The following PI15 variants were observed in gnomAD, a reference collection of about 807,000 sequenced individuals.
The protein encoded by PI15 is peptidase inhibitor 15.
In PI15, 18 loss-of-function variants were observed where a neutral mutation model predicts 31.0. The ratio of observed to expected loss-of-function variants is 0.58; its 90% CI spans 0.40 to 0.86. The LOEUF (loss-of-function observed/expected upper bound fraction) is 0.86. Ranked by LOEUF, PI15 falls within the 40% of genes least tolerant of loss-of-function variation. The probability of loss-of-function intolerance (pLI) is 0.00; values close to 1 mark genes in which losing one functional copy is unlikely to be tolerated. For synonymous variants in PI15, 118 were observed against 119.1 expected (o/e 0.99, Z 0.06); for missense variants, 282 against 328.1 (o/e 0.86, Z 1.09).
At chr8:74,840,492 C>T (rs753533695) in intron 2 of PI15, among the ~76,000 whole-genome samples, 12 of 152,140 alleles carry the variant, frequency 7.9e-5, no homozygotes, top group Non-Finnish European at 2.9e-5. Context: ...ATCACTTACC[C>T]ATCTTTCTCT....
intron 1 of PI15, 52 bp downstream of exon 1, chr8:74,824,727 G>A (rs1487037220): frequency 1.3e-5 from 2 of 155,960 alleles, no homozygotes; most frequent in African/African-American, 4.8e-5. Flanking sequence ...TTTTAAAGTA[G>A]CTCACATTTT....
intron 1 of PI15, 47 bp from the exon 2 acceptor site, chr8:74,825,163 G>A: frequency 2.8e-6 from 3 of 1,061,494 alleles, no homozygotes; most frequent in East Asian, 4.8e-5. Context: ...ATACCCTCTG[G>A]CCCTATTTTT....
chr8:74,844,631 T>G (rs1394080427), intron 3 of PI15, among the ~76,000 whole-genome samples: 1 of 152,174 alleles, frequency 6.6e-6, no homozygotes, highest in Non-Finnish European at 1.5e-5. Flanking sequence ...ATAATTTTTC[T>G]GCCACTGTGC....
intron 2 of PI15, among the ~76,000 whole-genome samples, chr8:74,842,019 T>C (rs905064779): frequency 1.3e-5 from 2 of 152,190 alleles, no homozygotes; most frequent in African/African-American, 2.4e-5. Flanking sequence ...TTATCTTTTT[T>C]TTTCTTATTT....
In PI15 at chr8:74,824,684, T is replaced by C. The variant is rs1402945608; in HGVS notation, c.-41+9T>C. On this transcript the variant is annotated intron_variant, in intron 1 of 5. Coordinates refer to ENST00000260113, the MANE Select transcript of PI15 (RefSeq NM_015886.5). Reference sequence around the variant, plus strand: ...TTTGGCATTGTGCAGAGGTAAGCTATTTAGCTCAACAAGTTTATATTGCAT... The same window carrying C: ...TTTGGCATTGTGCAGAGGTAAGCTACTTAGCTCAACAAGTTTATATTGCAT... The C allele has an allele frequency of 6.5e-6, 1 of 154,218 alleles. No individual in the cohort carries two copies. Among genetic ancestry groups the C allele is most frequent in the African/African-American group, 2.4e-5 (1 of 41,456 alleles). 9.6% of individuals were successfully genotyped at this position (154,218 alleles called of 1,614,324 possible).
In PI15 at chr8:74,824,610, C is replaced by T. The variant is rs1478429548; in HGVS notation, c.-106C>T. On this transcript the variant is annotated 5_prime_UTR_variant, in exon 1 of 6. Coordinates refer to ENST00000260113, the MANE Select transcript of PI15 (RefSeq NM_015886.5). ...CACACTCCTCTTACAAGAGTTCATGCTACCACATAGCAAAGAACCTTAAAT... is the reference window on the plus strand; with the variant it reads ...CACACTCCTCTTACAAGAGTTCATGTTACCACATAGCAAAGAACCTTAAAT... The T allele has an allele frequency of 2.6e-5, 4 of 152,338 alleles. No individual in the cohort carries two copies. Among genetic ancestry groups the T allele is most frequent in the Non-Finnish European group, 5.9e-5 (4 of 68,174 alleles). 9.4% of individuals were successfully genotyped at this position (152,338 alleles called of 1,614,324 possible).
intron 2 of PI15, among the ~76,000 whole-genome samples, chr8:74,831,404 G>A (rs1810779613): frequency 6.6e-6 from 1 of 152,180 alleles, no homozygotes; most frequent in Admixed American, 6.6e-5. Context: ...CTGCTCCACA[G>A]AGAATATGCA....
At chr8:74,827,607 T>G (rs1810718320) in intron 2 of PI15, among the ~76,000 whole-genome samples, 1 of 152,188 alleles carries the variant, frequency 6.6e-6, no homozygotes, top group Non-Finnish European at 1.5e-5. Context: ...TGAATGGCAC[T>G]GCTGGAATTA....
At position 74,852,232 on chromosome 8, in the gene PI15, T is replaced by TA. The variant is rs1268217701; in HGVS notation, c.*2981dup. 1 of 152,174 alleles carries TA rather than the reference T, an allele frequency of 6.6e-6. No individual in the cohort carries two copies. Among genetic ancestry groups the TA allele is most frequent in the Non-Finnish European group, 1.5e-5 (1 of 67,968 alleles). 9.4% of individuals were successfully genotyped at this position (152,174 alleles called of 1,614,324 possible). ...ACATCATCGATCCTCTCTGTGGTGTTAATTTTTTTATATGACCAGTAGAAA... is the reference window on the plus strand; with the variant it reads ...ACATCATCGATCCTCTCTGTGGTGTTAAATTTTTTTATATGACCAGTAGAAA... On this transcript the variant is annotated 3_prime_UTR_variant, in exon 6 of 6. Coordinates refer to ENST00000260113, the MANE Select transcript of PI15 (RefSeq NM_015886.5).
chr8:74,850,318 A>G lies in PI15; in HGVS notation c.*1065A>G, dbSNP rs572853302. ...CAGAAAGTAAGACCCTCAGAAAACCAATGAAGTCTAAGAGAAATAAAATTT... is the reference window on the plus strand; with the variant it reads ...CAGAAAGTAAGACCCTCAGAAAACCGATGAAGTCTAAGAGAAATAAAATTT... On this transcript the variant is annotated 3_prime_UTR_variant, in exon 6 of 6. Transcript: ENST00000260113. The G allele has an allele frequency of 6.6e-6, 1 of 152,334 alleles. No individual in the cohort carries two copies. Among genetic ancestry groups the G allele is most frequent in the Admixed American group, 6.5e-5 (1 of 15,290 alleles). 9.4% of individuals were successfully genotyped at this position (152,334 alleles called of 1,614,324 possible).
intron 2 of PI15, among the ~76,000 whole-genome samples, chr8:74,837,439 GC>G (rs1211220514): frequency 6.6e-6 from 1 of 152,022 alleles, no homozygotes; most frequent in East Asian, 1.9e-4. Flanking sequence ...TGTATATTCA[GC>G]TGTCAGTTTC....
chr8:74,836,387 T>G (rs1206903387), intron 2 of PI15, among the ~76,000 whole-genome samples: 1 of 152,194 alleles, frequency 6.6e-6, no homozygotes, highest in Middle Eastern at 3.2e-3. Context: ...AGGTTGTGAA[T>G]ATTTGGAGCT....
Position 74,850,959 on chromosome 8 carries a change from G to A in PI15, c.*1706G>A, listed in dbSNP as rs369834968. On this transcript the variant is annotated 3_prime_UTR_variant, in exon 6 of 6. Transcript: ENST00000260113. ...GCTACTTGTTTAAAATTCCATACAC[G>A]TTTGCAGTTTCTTGTACACATTTGG... 2.0e-5 allele frequency: 3 copies of A among 152,484 alleles called. No individual in the cohort carries two copies. Among genetic ancestry groups the A allele is most frequent in the Admixed American group, 6.6e-5 (1 of 15,250 alleles). The allele number at this position is 152,484 out of a possible 1,614,324, so 9.4% of individuals were successfully genotyped here.
At chr8:74,849,007 C>A in intron 5 of PI15, 111 bp from the exon 6 acceptor site, 1 of 862,578 alleles carries the variant, frequency 1.2e-6, no homozygotes, top group Non-Finnish European at 1.8e-6. Context: ...AAAGCAACTT[C>A]TCAAACGGAT....
rs914991167 is a variant in PI15 at position 74,851,390 on chromosome 8, A to G, written c.*2137A>G. ...CAGAAGATGGCTACACTAAGTTCCAATTTTGTTGCTGAATTGCTTCTGTGA... is the reference window on the plus strand; with the variant it reads ...CAGAAGATGGCTACACTAAGTTCCAGTTTTGTTGCTGAATTGCTTCTGTGA... On this transcript the variant is annotated 3_prime_UTR_variant, in exon 6 of 6. Transcript: ENST00000260113. 4 of 152,038 alleles carry G rather than the reference A, an allele frequency of 2.6e-5. No individual in the cohort carries two copies. Among genetic ancestry groups the G allele is most frequent in the African/African-American group, 9.7e-5 (4 of 41,440 alleles). The allele number at this position is 152,038 out of a possible 1,614,324, so 9.4% of individuals were successfully genotyped here. A position where few individuals can be genotyped will look rare whatever the true frequency, so the allele number is the denominator to read the frequency against.
At chr8:74,828,579 T>C (rs1227758965) in intron 2 of PI15, among the ~76,000 whole-genome samples, 1 of 152,108 alleles carries the variant, frequency 6.6e-6, no homozygotes, top group East Asian at 1.9e-4. Context: ...GTTAAACTTG[T>C]TCAACATTGA....
intron 2 of PI15, among the ~76,000 whole-genome samples, chr8:74,830,691 T>C (rs1226992807): frequency 3.3e-5 from 5 of 152,188 alleles, no homozygotes. Flanking sequence ...TCTATCTTTA[T>C]ATATACATGT....
intron 2 of PI15, among the ~76,000 whole-genome samples, chr8:74,827,569 A>G (rs536963432): frequency 6.6e-6 from 1 of 152,168 alleles, no homozygotes; most frequent in East Asian, 1.9e-4. Flanking sequence ...CACAGATGTC[A>G]ACGAGTAGGC....
rs199756673 is a variant in PI15, at chr8:74,845,489, T to C, written c.633T>C (p.Tyr211=). 2.1e-5 allele frequency: 33 copies of C among 1,596,556 alleles called. No homozygotes were observed. The Admixed American group carries it at 2.3e-4, about 11-fold the overall frequency. ...GTGCAGTTTACTTGGTATGCAACTA[T>C]GCCCCAAAGTAAGTACCAGGTTGGA... ...WRRAVYLVCN[Y]APKGNWIGEA... is the part of the protein sequence containing the mutation. The change falls in exon 5 of 6, where the codon TAT becomes TAC. Residue 211 remains tyrosine (Y), a synonymous_variant. Transcript: ENST00000260113.
Sources: allele counts gnomAD v4.1 joint callset (sites outside exome capture counted in the v4.1 genomes callset), GRCh38; gene constraint gnomAD v4.1.1; transcripts MANE v1.5; gene names NCBI Gene and HGNC (gene_info 2026-07-23, HGNC 2026-07-21).